VAT1L: variants seen among roughly 807,000 people sequenced by gnomAD.
VAT1L encodes the protein putative NADPH-dependent quinone oxidoreductase VAT1L.
VAT1L carries 34 observed loss-of-function variants against 44.1 expected under a neutral mutation model. That is an observed-to-expected ratio of 0.77 (90% CI 0.59 to 1.03). The LOEUF (loss-of-function observed/expected upper bound fraction) is 1.03. VAT1L is among the 50% of genes least tolerant of loss of function. VAT1L has a pLI of 0.00. For synonymous variants in VAT1L, 253 were observed against 202.2 expected (o/e 1.25, Z -2.13); for missense variants, 615 against 538.8 (o/e 1.14, Z -1.40).
intron 8 of VAT1L, among the ~76,000 whole-genome samples, chr16:77,972,526 A>T (rs969647565): frequency 1.3e-5 from 2 of 152,204 alleles, no homozygotes; most frequent in Non-Finnish European, 2.9e-5. Flanking sequence ...AACGCCTGTA[A>T]TCCCAGCACT....
chr16:77,928,873 G>A (rs564817572), intron 7 of VAT1L, among the ~76,000 whole-genome samples: 5 of 152,200 alleles, frequency 3.3e-5, no homozygotes, highest in Admixed American at 3.3e-4. Context: ...CTGGAGTGCA[G>A]TGGTGCAATC....
intron 7 of VAT1L, among the ~76,000 whole-genome samples, chr16:77,956,654 T>G (rs763169211): frequency 1.3e-5 from 2 of 152,186 alleles, no homozygotes; most frequent in Non-Finnish European, 2.9e-5. Flanking sequence ...ATTCTTAGGT[T>G]CAGAGCCTAT....
intron 2 of VAT1L, among the ~76,000 whole-genome samples, chr16:77,818,810 G>T (rs377535650): frequency 8.5e-5 from 13 of 152,176 alleles, no homozygotes; most frequent in South Asian, 2.1e-4. Context: ...GGTGTGATAT[G>T]GGAGAAAACT....
chr16:77,955,413 T>C (rs569488888), intron 7 of VAT1L, among the ~76,000 whole-genome samples: 1 of 152,190 alleles, frequency 6.6e-6, no homozygotes, highest in South Asian at 2.1e-4. Flanking sequence ...CAATAGCTAC[T>C]AGATTGAGGA....
chr16:77,954,570 A>C (rs2018081090), intron 7 of VAT1L, among the ~76,000 whole-genome samples: 1 of 152,206 alleles, frequency 6.6e-6, no homozygotes, highest in Non-Finnish European at 1.5e-5. Context: ...GGTTGCAATG[A>C]GCCAAGATCG....
At chr16:77,863,054 T>A (rs1304815384) in intron 4 of VAT1L, among the ~76,000 whole-genome samples, 164 bp downstream of exon 4, 1 of 152,212 alleles carries the variant, frequency 6.6e-6, no homozygotes, top group Non-Finnish European at 1.5e-5. Context: ...ATTAGTTCAT[T>A]TAATCCTCTT....
Position 77,977,511 on chromosome 16 carries a change from A to T in VAT1L, c.1162-86A>T, listed in dbSNP as rs1386097341. ...CAACCCTAGTTCCTAGCCCCCAAGA[A>T]GTCCTCCCATAGGACTCTGTCAGAT... On this transcript the variant is annotated intron_variant, in intron 8 of 8. Transcript: ENST00000302536. 13 of 1,362,958 alleles carry T rather than the reference A, an allele frequency of 9.5e-6. No homozygotes were observed. The Admixed American group carries it at 2.6e-4, about 27-fold the overall frequency. The allele number at this position is 1,362,958 out of a possible 1,614,324, so 84.4% of individuals were successfully genotyped here.
At chr16:77,941,917 C>T (rs146957044) in intron 7 of VAT1L, among the ~76,000 whole-genome samples, 1 of 152,146 alleles carries the variant, frequency 6.6e-6, no homozygotes. Flanking sequence ...AATGGTTGAG[C>T]TAATTTACAC....
intron 7 of VAT1L, among the ~76,000 whole-genome samples, chr16:77,970,836 A>G (rs2018271176): frequency 6.6e-6 from 1 of 152,218 alleles, no homozygotes; most frequent in Non-Finnish European, 1.5e-5. Flanking sequence ...CTGCTCTATC[A>G]ATCAGCCACA....
chr16:77,880,690 G>A (rs934432789), intron 6 of VAT1L, among the ~76,000 whole-genome samples: 2 of 143,708 alleles, frequency 1.4e-5, no homozygotes, highest in South Asian at 4.5e-4. Flanking sequence ...CTGAAGTTTG[G>A]GGTACAAATG....
At chr16:77,840,196 C>T (rs1398368356) in intron 3 of VAT1L, among the ~76,000 whole-genome samples, 1 of 152,170 alleles carries the variant, frequency 6.6e-6, no homozygotes, top group Non-Finnish European at 1.5e-5. Context: ...TAAGAGGTAA[C>T]AGAATCATTA....
At chr16:77,960,385 T>A (rs549704512) in intron 7 of VAT1L, among the ~76,000 whole-genome samples, 1 of 152,144 alleles carries the variant, frequency 6.6e-6, no homozygotes, top group African/African-American at 2.4e-5. Context: ...GGAAACCAAC[T>A]CAACAGGGAT....
intron 3 of VAT1L, among the ~76,000 whole-genome samples, chr16:77,861,172 G>A (rs577444843): frequency 5.3e-4 from 81 of 152,262 alleles, no homozygotes; most frequent in Non-Finnish European, 7.6e-4. Flanking sequence ...GATTTAGTCC[G>A]CCAGCATGAA....
intron 7 of VAT1L, among the ~76,000 whole-genome samples, chr16:77,971,146 C>A (rs2018273969): frequency 1.3e-5 from 2 of 152,274 alleles, no homozygotes; most frequent in Admixed American, 6.5e-5. Flanking sequence ...CCTCCCTCCC[C>A]ATCCCCACCT....
intron 7 of VAT1L, among the ~76,000 whole-genome samples, chr16:77,885,744 C>A (rs190657412): frequency 5.9e-5 from 9 of 151,762 alleles, no homozygotes; most frequent in Non-Finnish European, 1.0e-4. Context: ...ATAACAAGTA[C>A]GAAAGTTCTA....
intron 3 of VAT1L, among the ~76,000 whole-genome samples, chr16:77,849,845 G>C (rs542991106): frequency 6.6e-6 from 1 of 152,212 alleles, no homozygotes; most frequent in South Asian, 2.1e-4. Flanking sequence ...AACCTCAGCC[G>C]CAGGATCTGA....
chr16:77,928,482 G>A (rs2017693473), intron 7 of VAT1L, among the ~76,000 whole-genome samples: 1 of 152,108 alleles, frequency 6.6e-6, no homozygotes, highest in African/African-American at 2.4e-5. Context: ...ACACTATCCT[G>A]TGAGAGACAA....
intron 7 of VAT1L, among the ~76,000 whole-genome samples, chr16:77,890,173 G>T (rs1189663712): frequency 6.6e-6 from 1 of 152,046 alleles, no homozygotes; most frequent in East Asian, 1.9e-4. Flanking sequence ...GGATAGGAAT[G>T]ATTTGGATGA....
chr16:77,796,358 T>G (rs542316499), intron 1 of VAT1L, among the ~76,000 whole-genome samples: 1 of 152,302 alleles, frequency 6.6e-6, no homozygotes, highest in Admixed American at 6.5e-5. Flanking sequence ...AAGCCTACTA[T>G]GTACCTCAGC....
Sources: gnomAD v4.1 joint callset for allele counts (sites outside exome capture counted in the v4.1 genomes callset) on GRCh38, gnomAD v4.1.1 for gene constraint, MANE v1.5 for transcripts, NCBI Gene and HGNC (gene_info 2026-07-23, HGNC 2026-07-21) for gene names.